Variants in ALG11 observed in about 807,000 individuals in gnomAD.
The protein encoded by ALG11 is ALG11 alpha-1,2-mannosyltransferase.
A neutral mutation model predicts 38.8 loss-of-function variants in ALG11; 26 were observed. That is an observed-to-expected ratio of 0.67 (90% CI 0.49 to 0.93). The LOEUF (loss-of-function observed/expected upper bound fraction) is 0.93, where lower values mean the gene tolerates loss of function less well. ALG11 is among the 40% of genes least tolerant of loss of function. The pLI is 0.00. For synonymous variants in ALG11, 199 were observed against 211.6 expected, an observed-to-expected ratio of 0.94 and a Z score of 0.52; for missense variants, 535 against 578.8, an observed-to-expected ratio of 0.92 and a Z score of 0.78.
At chr13:52,012,546 C>T (rs572832215) in intron 1 of ALG11, 84 bp downstream of exon 1, 20 of 1,579,040 alleles carry the variant, frequency 1.3e-5, no homozygotes, top group Middle Eastern at 1.8e-4. Flanking sequence ...ATTTTGCGGG[C>T]AAATGGCCTT....
intron 3 of ALG11, among the ~76,000 whole-genome samples, chr13:52,025,944 C>T (rs1954236409): frequency 6.6e-6 from 1 of 152,226 alleles, no homozygotes; most frequent in Non-Finnish European, 1.5e-5. Flanking sequence ...CCTGTGCTTC[C>T]TTCCATAGAA....
In ALG11 at chr13:52,030,371, A is replaced by C; in HGVS notation, c.*1781A>C. ...GCTGGGAAAAGAAGATTGTTTTCAA[A>C]ATAAGGAGCTTCCCAGACCTGTGTT... On this transcript the variant is annotated 3_prime_UTR_variant, in exon 4 of 4. Transcript: ENST00000521508. The C allele has an allele frequency of 6.2e-6, 10 of 1,614,216 alleles. No homozygotes were observed. Among genetic ancestry groups the C allele is most frequent in the Non-Finnish European group, 7.6e-6 (9 of 1,180,032 alleles).
At chr13:52,013,042 A>G (rs768574406) in intron 1 of ALG11, among the ~76,000 whole-genome samples, 15 of 152,212 alleles carry the variant, frequency 9.9e-5, no homozygotes, top group Admixed American at 3.3e-4. Flanking sequence ...TTTCTTCTAG[A>G]AAAATTAGAA....
chr13:52,018,881 C>A, intron 1 of ALG11, 32 bp from the exon 2 acceptor site: 1 of 1,570,390 alleles, frequency 6.4e-7, no homozygotes, highest in Non-Finnish European at 8.8e-7. Context: ...GTATATATCA[C>A]ATTGATTCTC....
At chr13:52,026,179 G>A (rs1227303064) in intron 3 of ALG11, among the ~76,000 whole-genome samples, 1 of 152,190 alleles carries the variant, frequency 6.6e-6, no homozygotes, top group Non-Finnish European at 1.5e-5. Flanking sequence ...GTGCGGGCAG[G>A]GAACAGTTGC....
At chr13:52,027,382 G>C (rs979625420) in intron 3 of ALG11, among the ~76,000 whole-genome samples, 2 of 152,144 alleles carry the variant, frequency 1.3e-5, no homozygotes, top group Non-Finnish European at 2.9e-5. Flanking sequence ...GCAGGTCTCT[G>C]AGAAAGTACA....
rs550796668 is a variant in ALG11, at chr13:52,032,449, G to A, written c.*3859G>A. On this transcript the variant is annotated 3_prime_UTR_variant, in exon 4 of 4. Coordinates refer to ENST00000521508, the MANE Select transcript of ALG11 (RefSeq NM_001004127.3). Reference sequence around the variant, plus strand: ...GCAGATATGGCTATAAAGACCTATAGCTTTTGCACTTTATGCATATATAAT... The same window carrying A: ...GCAGATATGGCTATAAAGACCTATAACTTTTGCACTTTATGCATATATAAT... 3.0e-5 allele frequency: 5 copies of A among 167,160 alleles called. No individual in the cohort carries two copies. The South Asian group carries it at 8.3e-4, about 28-fold the overall frequency. 10.4% of individuals were successfully genotyped at this position (167,160 alleles called of 1,614,324 possible).
chr13:52,030,262 G>T lies in ALG11; in HGVS notation c.*1672G>T, dbSNP rs1158540969. 2.5e-6 allele frequency: 4 copies of T among 1,614,236 alleles called. No homozygotes were observed. The Admixed American group carries it at 6.7e-5, about 27-fold the overall frequency. ...CAGAGGGGACTGTTCCCCAGGTCCA[G>T]AGAGAGGAACCTGCCCCAGAAGAAG... is the stretch of plus-strand genomic sequence containing the variant. On this transcript the variant is annotated 3_prime_UTR_variant, in exon 4 of 4. Transcript: ENST00000521508.
Position 52,030,426 on chromosome 13 carries a change from A to C in ALG11, c.*1836A>C, listed in dbSNP as rs779341439. ...GGACAGCAGTCAGAGAGGACCCCAA[A>C]TAATCGGCCTGATGCCCCTAAGGAG... On this transcript the variant is annotated 3_prime_UTR_variant, in exon 4 of 4. Coordinates refer to ENST00000521508, the MANE Select transcript of ALG11 (RefSeq NM_001004127.3). The C allele has an allele frequency of 2.5e-6, 4 of 1,614,222 alleles. No individual in the cohort carries two copies. The Admixed American group carries it at 6.7e-5, about 27-fold the overall frequency.
intron 1 of ALG11, among the ~76,000 whole-genome samples, chr13:52,017,982 C>T (rs1239852469): frequency 6.6e-6 from 1 of 152,180 alleles, no homozygotes; most frequent in Non-Finnish European, 1.5e-5. Context: ...TATAAGCCCT[C>T]CTCAAATCCT....
At chr13:52,012,903 T>C (rs2140817136) in intron 1 of ALG11, among the ~76,000 whole-genome samples, 1 of 152,320 alleles carries the variant, frequency 6.6e-6, no homozygotes. Context: ...AAAACTGCCA[T>C]TGTTAACACG....
chr13:52,021,087 T>C (rs140136010), intron 2 of ALG11: 5 of 152,196 alleles, frequency 3.3e-5, no homozygotes, highest in Non-Finnish European at 7.3e-5. Context: ...AAGAAAAATA[T>C]CAAATAGTGA....
intron 1 of ALG11, chr13:52,016,915 G>C (rs958890425): frequency 6.6e-6 from 1 of 152,268 alleles, no homozygotes; most frequent in Non-Finnish European, 1.5e-5. Flanking sequence ...CTGACAGCTT[G>C]CACCGTGTGC....
Position 52,029,825 on chromosome 13 carries a change from G to C in ALG11, c.*1235G>C, listed in dbSNP as rs779360879. 2.0e-5 allele frequency: 33 copies of C among 1,614,108 alleles called. No homozygotes were observed. Among genetic ancestry groups the C allele is most frequent in the Admixed American group, 5.0e-5 (3 of 60,004 alleles). ...GACACAGAAACTCCAGGTAGCCTCT[G>C]AGAGTGAGGAAGAGGAGGGAGGCAC... is the stretch of plus-strand genomic sequence containing the variant. On this transcript the variant is annotated 3_prime_UTR_variant, in exon 4 of 4. Transcript: ENST00000521508.
In ALG11 at chr13:52,032,220, CAAAAAA is replaced by C. The variant is rs1954312926; in HGVS notation, c.*3631_*3636del. On this transcript the variant is annotated 3_prime_UTR_variant, in exon 4 of 4. Transcript: ENST00000521508. ...CTGGGCAATAAGCAAAACTCCATCT[CAAAAAA>C]GAAAAAAAGGAAAAAGAAAATTATG... The C allele has an allele frequency of 6.3e-6, 1 of 158,178 alleles. No individual in the cohort carries two copies. The highest frequency in any genetic ancestry group is 6.6e-5 in the Admixed American group (1 of 15,216). 9.8% of individuals were successfully genotyped at this position (158,178 alleles called of 1,614,324 possible).
At position 52,030,054 on chromosome 13, in the gene ALG11, T is replaced by G. The variant is rs1954283211; in HGVS notation, c.*1464T>G. The G allele has an allele frequency of 6.2e-7, 1 of 1,613,960 alleles. No homozygotes were observed. Among genetic ancestry groups the G allele is most frequent in the Non-Finnish European group, 8.5e-7 (1 of 1,180,022 alleles). ...GAAAGACCAGTGGCAGAGGAAGAAATTTTGTTGAGAGAATTTGAGGAAAGG... is the reference window on the plus strand; with the variant it reads ...GAAAGACCAGTGGCAGAGGAAGAAAGTTTGTTGAGAGAATTTGAGGAAAGG... On this transcript the variant is annotated 3_prime_UTR_variant, in exon 4 of 4. Coordinates refer to ENST00000521508, the MANE Select transcript of ALG11 (RefSeq NM_001004127.3).
intron 1 of ALG11, 87 bp from the exon 2 acceptor site, chr13:52,018,826 A>G (rs1954157795): frequency 9.4e-7 from 1 of 1,069,454 alleles, no homozygotes; most frequent in Non-Finnish European, 1.4e-6. Flanking sequence ...ACTAATATAT[A>G]AAGTAGATAT....
chr13:52,022,256 T>C (rs1954189803), intron 2 of ALG11: 1 of 152,238 alleles, frequency 6.6e-6, no homozygotes, highest in African/African-American at 2.4e-5. Flanking sequence ...TAATCCCAGC[T>C]TCTCAGGAGG....
At position 52,024,776 on chromosome 13, in the gene ALG11, A is replaced by T; in HGVS notation, c.1046A>T (p.Asp349Val). The T allele has an allele frequency of 6.2e-7, 1 of 1,614,234 alleles. No individual in the cohort carries two copies. The highest frequency in any genetic ancestry group is 8.5e-7 in the Non-Finnish European group (1 of 1,180,032). Residue 349 changes from aspartate to valine, a missense_variant, in exon 3 of 4, where the codon GAT becomes GTT. Transcript: ENST00000521508. ...LVLIGGCRNK[D>V]DELRVNQLRR... is the part of the protein sequence containing the mutation. ...CTCATTGGAGGTTGTCGTAACAAAG[A>T]TGATGAACTTAGGGTAAACCAACTG...
Sources: gnomAD v4.1 joint callset for allele counts (sites outside exome capture counted in the v4.1 genomes callset) on GRCh38, gnomAD v4.1.1 for gene constraint, MANE v1.5 for transcripts, NCBI Gene and HGNC (gene_info 2026-07-23, HGNC 2026-07-21) for gene names.